The following CCBE1 variants were observed in gnomAD, a reference collection of about 807,000 sequenced individuals.
CCBE1 encodes the protein collagen and calcium-binding EGF domain-containing protein 1.
Under a neutral mutation model 50.0 loss-of-function variants are expected in CCBE1, and 37 were observed. The ratio of observed to expected loss-of-function variants is 0.74; its 90% confidence interval spans 0.57 to 0.97. The LOEUF (loss-of-function observed/expected upper bound fraction) is 0.97. Among genes scored for constraint, CCBE1 ranks in the 50% least tolerant of loss-of-function variants. CCBE1 has a pLI of 0.00. For synonymous variants in CCBE1, 234 were observed against 203.7 expected, an observed-to-expected ratio of 1.15 and a Z score of -1.27; for missense variants, 538 against 523.8, an observed-to-expected ratio of 1.03 and a Z score of -0.26.
At chr18:59,525,595 A>T (rs1487310799) in intron 2 of CCBE1, among the ~76,000 whole-genome samples, 1 of 152,228 alleles carries the variant, frequency 6.6e-6, no homozygotes, top group Admixed American at 6.5e-5. Context: ...CCTTAGTTTA[A>T]TTAGATCCCA....
At chr18:59,502,686 C>A (rs1598957924) in intron 2 of CCBE1, among the ~76,000 whole-genome samples, 2 of 151,818 alleles carry the variant, frequency 1.3e-5, no homozygotes, top group East Asian at 3.9e-4. Flanking sequence ...TTTCCTCCCC[C>A]TCCCCCCGCA....
At chr18:59,498,001 G>C (rs1170566702) in intron 2 of CCBE1, among the ~76,000 whole-genome samples, 2 of 152,218 alleles carry the variant, frequency 1.3e-5, no homozygotes, top group Non-Finnish European at 2.9e-5. Context: ...AGAGACCAGA[G>C]TAAGCCAACA....
At chr18:59,560,321 G>A (rs762850580) in intron 2 of CCBE1, among the ~76,000 whole-genome samples, 1 of 152,148 alleles carries the variant, frequency 6.6e-6, no homozygotes, top group Non-Finnish European at 1.5e-5. Flanking sequence ...AAAGCAGTTA[G>A]CATCATTCTC....
intron 2 of CCBE1, among the ~76,000 whole-genome samples, chr18:59,581,919 G>A (rs1298608964): frequency 6.6e-6 from 1 of 152,184 alleles, no homozygotes; most frequent in Non-Finnish European, 1.5e-5. Context: ...TCCATTTAGT[G>A]TTTTGGGTTC....
At chr18:59,619,001 C>A (rs1012693736) in intron 2 of CCBE1, among the ~76,000 whole-genome samples, 3 of 152,104 alleles carry the variant, frequency 2.0e-5, no homozygotes, top group Non-Finnish European at 2.9e-5. Flanking sequence ...TCTAATAAAA[C>A]TTTCATGTTT....
chr18:59,695,257 G>C (rs539494399), intron 2 of CCBE1, among the ~76,000 whole-genome samples: 1 of 152,182 alleles, frequency 6.6e-6, no homozygotes, highest in Non-Finnish European at 1.5e-5. Flanking sequence ...CACTGTGGTC[G>C]TGTGGATGAA....
intron 2 of CCBE1, among the ~76,000 whole-genome samples, chr18:59,620,283 G>A (rs1350352371): frequency 6.6e-6 from 1 of 152,128 alleles, no homozygotes. Flanking sequence ...GGCTAAACAA[G>A]ACAACCCTGC....
intron 2 of CCBE1, among the ~76,000 whole-genome samples, chr18:59,495,410 T>TTC (rs149062893): frequency 0.36 from 51,858 of 144,776 alleles, 10,531 homozygotes; most frequent in African/African-American, 0.53. Flanking sequence ...TTTTTTTTTT[T>TTC]CCAGAGCGGG....
intron 2 of CCBE1, among the ~76,000 whole-genome samples, chr18:59,488,080 C>T (rs1223430721): frequency 6.6e-6 from 1 of 152,132 alleles, no homozygotes; most frequent in Non-Finnish European, 1.5e-5. Flanking sequence ...GTGAAATAAG[C>T]CCAACACAAA....
intron 6 of CCBE1, 27 bp from the exon 7 acceptor site, chr18:59,448,130 C>A (rs1364057627): frequency 6.2e-7 from 1 of 1,612,956 alleles, no homozygotes. Context: ...AAGCCTCAGT[C>A]AGGAAGCAAT....
Position 59,434,220 on chromosome 18 carries a change from TAGTGG to T in CCBE1, c.*1683_*1687del, listed in dbSNP as rs1910054695. ...ATTTTCTTTAAGCAAGCTTTCACAG[TAGTGG>T]AGTTAAATGATGTGGGCTAAAAGGT... On this transcript the variant is annotated 3_prime_UTR_variant, in exon 11 of 11. Coordinates refer to ENST00000439986, the MANE Select transcript of CCBE1 (RefSeq NM_133459.4). 1 of 152,004 alleles carries T rather than the reference TAGTGG, an allele frequency of 6.6e-6. No homozygotes were observed. Among genetic ancestry groups the T allele is most frequent in the Non-Finnish European group, 1.5e-5 (1 of 68,022 alleles). 9.4% of individuals were successfully genotyped at this position (152,004 alleles called of 1,614,324 possible).
At chr18:59,493,533 T>G (rs1261791804) in intron 2 of CCBE1, among the ~76,000 whole-genome samples, 14 of 140,200 alleles carry the variant, frequency 1.0e-4, no homozygotes, top group Non-Finnish European at 1.2e-4. Context: ...GATTATTTAA[T>G]TCTCATAAAA....
intron 3 of CCBE1, among the ~76,000 whole-genome samples, chr18:59,472,343 C>T (rs1912072399): frequency 6.6e-6 from 1 of 152,218 alleles, no homozygotes; most frequent in Non-Finnish European, 1.5e-5. Context: ...TTCTCAATTA[C>T]TAGTTAGCAA....
At chr18:59,442,690 T>C (rs1288778813) in intron 7 of CCBE1, among the ~76,000 whole-genome samples, 1 of 152,190 alleles carries the variant, frequency 6.6e-6, no homozygotes, top group Non-Finnish European at 1.5e-5. Flanking sequence ...ATCATGCCAC[T>C]GCTTTCCAGC....
chr18:59,563,740 G>C (rs1300887412), intron 2 of CCBE1: 1 of 152,186 alleles, frequency 6.6e-6, no homozygotes, highest in African/African-American at 2.4e-5. Context: ...AAGGAACTTA[G>C]GATTTACAAG....
intron 2 of CCBE1, among the ~76,000 whole-genome samples, chr18:59,630,488 G>A (rs1179938266): frequency 6.6e-6 from 1 of 152,168 alleles, no homozygotes; most frequent in African/African-American, 2.4e-5. Flanking sequence ...TTTGGGCAAG[G>A]CTCAGCTGGG....
chr18:59,678,537 A>ATTATAT (rs112086783), intron 2 of CCBE1, among the ~76,000 whole-genome samples: 8,921 of 151,626 alleles, frequency 0.059, 780 homozygotes, highest in African/African-American at 0.2. Context: ...TATTTAAAAA[A>ATTATAT]TTATATGTAT....
At chr18:59,472,598 C>G (rs1568158649) in intron 3 of CCBE1, among the ~76,000 whole-genome samples, 1 of 152,228 alleles carries the variant, frequency 6.6e-6, no homozygotes, top group Non-Finnish European at 1.5e-5. Flanking sequence ...TAATCCTCGT[C>G]TCAGCCTCCC....
intron 2 of CCBE1, among the ~76,000 whole-genome samples, chr18:59,628,563 C>T (rs762961308): frequency 3.3e-5 from 5 of 152,150 alleles, no homozygotes; most frequent in Non-Finnish European, 5.9e-5. Context: ...GTAACCACCG[C>T]GATGTCCATG....
Sources: gnomAD v4.1 joint callset for allele counts (sites outside exome capture counted in the v4.1 genomes callset) on GRCh38, gnomAD v4.1.1 for gene constraint, MANE v1.5 for transcripts, NCBI Gene and HGNC (gene_info 2026-07-23, HGNC 2026-07-21) for gene names.